The following C3orf22 variants were observed in gnomAD, a reference collection of about 807,000 sequenced individuals.
C3orf22 encodes the protein chromosome 3 open reading frame 22.
Under a neutral mutation model 10.8 loss-of-function variants are expected in C3orf22, and 7 were observed. That is an observed-to-expected ratio of 0.65 (90% CI 0.37 to 1.22). C3orf22 has a LOEUF of 1.22. C3orf22 is among the 50% of genes most tolerant of loss of function. The pLI, the probability that C3orf22 is intolerant of heterozygous loss-of-function variation, is 0.02. For synonymous variants in C3orf22, 79 were observed against 78.9 expected, an observed-to-expected ratio of 1.00 and a Z score of 0.00; for missense variants, 173 against 177.0, an observed-to-expected ratio of 0.98 and a Z score of 0.13.
At chr3:126,546,414 G>A (rs1937068235), downstream of C3orf22, among the ~76,000 whole-genome samples, 1 of 152,224 alleles carries the variant, frequency 6.6e-6, no homozygotes, top group Non-Finnish European at 1.5e-5. Context: ...CCAGTCTTAT[G>A]TGGAAGCCCT....
At chr3:126,542,291 T>C in intron 4 of C3orf22, 1 of 1,566,764 alleles carries the variant, frequency 6.4e-7, no homozygotes, top group Non-Finnish European at 8.6e-7. Flanking sequence ...CAACGAGCAC[T>C]GGGAGCGCGC....
chr3:126,549,261 CCACA>C (rs780351626), downstream of C3orf22, among the ~76,000 whole-genome samples: 2 of 144,424 alleles, frequency 1.4e-5, no homozygotes, highest in South Asian at 4.5e-4. Context: ...GCCCCCCCCC[CCACA>C]CACACACATA....
At chr3:126,537,568 G>C (rs77873409) in intron 4 of C3orf22, among the ~76,000 whole-genome samples, 5 of 152,166 alleles carry the variant, frequency 3.3e-5, no homozygotes, top group Non-Finnish European at 7.4e-5. Flanking sequence ...GCCTTCCTTC[G>C]CAGAGTGTGA....
chr3:126,551,630 G>A (rs1157674566), intron 3 of C3orf22, among the ~76,000 whole-genome samples: 17 of 152,272 alleles, frequency 1.1e-4, no homozygotes, highest in Non-Finnish European at 4.4e-5. Context: ...AGCATTAGCC[G>A]GCCCAGTGCA....
At chr3:126,555,969 G>T (rs1041315244) in intron 1 of C3orf22, among the ~76,000 whole-genome samples, 1 of 152,130 alleles carries the variant, frequency 6.6e-6, no homozygotes, top group Non-Finnish European at 1.5e-5. Context: ...GGGCAACATC[G>T]GGACAGCCCA....
chr3:126,529,663 T>G (rs1576746775), intron 4 of C3orf22, among the ~76,000 whole-genome samples: 1 of 152,180 alleles, frequency 6.6e-6, no homozygotes, highest in African/African-American at 2.4e-5. Context: ...TCTCCTTCTG[T>G]CTCTTCCTTC....
chr3:126,531,311 G>A (rs1439852344), intron 4 of C3orf22, among the ~76,000 whole-genome samples: 1 of 152,230 alleles, frequency 6.6e-6, no homozygotes, highest in East Asian at 1.9e-4. Flanking sequence ...AGGTCAGTTT[G>A]CCAAAAGACC....
downstream of C3orf22, among the ~76,000 whole-genome samples, chr3:126,548,840 C>T (rs962202998): frequency 1.3e-5 from 2 of 152,232 alleles, no homozygotes; most frequent in African/African-American, 4.8e-5. Flanking sequence ...CACAAGGGTC[C>T]TCACTTCACT....
intron 4 of C3orf22, among the ~76,000 whole-genome samples, chr3:126,535,733 C>T (rs1292041931): frequency 4.6e-5 from 7 of 152,268 alleles, no homozygotes; most frequent in Non-Finnish European, 8.8e-5. Flanking sequence ...GCAGCATATT[C>T]CCTGATGGGG....
chr3:126,540,282 TA>T (rs1936931037), intron 4 of C3orf22, among the ~76,000 whole-genome samples: 1 of 152,178 alleles, frequency 6.6e-6, no homozygotes, highest in Non-Finnish European at 1.5e-5. Flanking sequence ...GCAGCATTTT[TA>T]TAAGGTTTTG....
chr3:126,539,837 AC>A (rs1936904832), intron 4 of C3orf22, among the ~76,000 whole-genome samples: 1 of 72,666 alleles, frequency 1.4e-5, no homozygotes, highest in Non-Finnish European at 2.4e-5. Context: ...CCACACACAC[AC>A]CACACACATC....
chr3:126,533,154 A>T (rs564853251), intron 4 of C3orf22, among the ~76,000 whole-genome samples: 17 of 152,150 alleles, frequency 1.1e-4, no homozygotes, highest in Non-Finnish European at 1.6e-4. Flanking sequence ...TTCTATATAT[A>T]TATACGGTTA....
At chr3:126,551,389 G>C (rs1183146862) in intron 3 of C3orf22, among the ~76,000 whole-genome samples, 1 of 152,206 alleles carries the variant, frequency 6.6e-6, no homozygotes, top group African/African-American at 2.4e-5. Context: ...TGCCGTGCAT[G>C]ACTGAGGAGA....
At chr3:126,557,569 C>T (rs1031456036) in intron 1 of C3orf22, among the ~76,000 whole-genome samples, 2 of 152,112 alleles carry the variant, frequency 1.3e-5, no homozygotes, top group South Asian at 2.1e-4. Flanking sequence ...ACTCAAGGCC[C>T]GAGGCGGGAG....
chr3:126,540,013 C>T (rs1029453993), intron 4 of C3orf22, among the ~76,000 whole-genome samples: 20 of 148,314 alleles, frequency 1.3e-4, no homozygotes, highest in South Asian at 2.2e-4. Flanking sequence ...ATGCCACACA[C>T]GCATGCCACA....
intron 4 of C3orf22, chr3:126,542,277 C>T (rs1295673346): frequency 1.3e-6 from 2 of 1,563,686 alleles, no homozygotes; most frequent in Non-Finnish European, 1.7e-6. Flanking sequence ...CGTGAGGAGC[C>T]CTTCAACGAG....
intron 4 of C3orf22, among the ~76,000 whole-genome samples, chr3:126,543,811 C>T (rs879586416): frequency 6.6e-6 from 1 of 152,110 alleles, no homozygotes; most frequent in Non-Finnish European, 1.5e-5. Flanking sequence ...TCTGAGCTCC[C>T]CCAGGGCTGT....
Position 126,533,146 on chromosome 3 carries a change from C to CTA in C3orf22, c.287-3776_287-3775dup, listed in dbSNP as rs367645183. Among the ~76,000 whole-genome samples the CTA allele has an allele frequency of 8.0e-3, 1,222 of 151,936 alleles. 15 individuals carry two copies. Among genetic ancestry groups the CTA allele is most frequent in the Middle Eastern group, 0.031 (9 of 290 alleles). ...CAGTTTGTGAATTCTTTAGGGTTTTCTATATATATATACGGTTATGTCATC... is the reference window on the plus strand; with the variant it reads ...CAGTTTGTGAATTCTTTAGGGTTTTCTATATATATATATACGGTTATGTCATC... On this transcript the variant is annotated intron_variant and NMD_transcript_variant, in intron 4 of 5. Coordinates refer to the C3orf22 transcript ENST00000505070.
chr3:126,550,973 C>T (rs1202490446), intron 3 of C3orf22, among the ~76,000 whole-genome samples: 2 of 152,232 alleles, frequency 1.3e-5, no homozygotes, highest in Non-Finnish European at 2.9e-5. Context: ...CCAGCCCTGG[C>T]CGCTAAGCCC....
Sources: allele counts gnomAD v4.1 joint callset (sites outside exome capture counted in the v4.1 genomes callset), GRCh38; gene constraint gnomAD v4.1.1; transcripts MANE v1.5; gene names NCBI Gene and HGNC (gene_info 2026-07-23, HGNC 2026-07-21).